MSRA: variants seen among roughly 807,000 people sequenced by gnomAD.
MSRA encodes mitochondrial peptide methionine sulfoxide reductase.
A neutral mutation model predicts 31.3 loss-of-function variants in MSRA; 54 were observed. The ratio of observed to expected loss-of-function variants is 1.73; its 90% CI spans 1.39 to 2.17. MSRA has a LOEUF of 2.17. MSRA is among the 30% of genes most tolerant of loss of function. The pLI, the probability that MSRA is intolerant of heterozygous loss-of-function variation, is 0.00. For synonymous variants in MSRA, 169 were observed against 116.5 expected, an observed-to-expected ratio of 1.45 and a Z score of -2.90; for missense variants, 507 against 300.9, an observed-to-expected ratio of 1.69 and a Z score of -5.07.
intron 5 of MSRA, chr8:10,326,466 T>C (rs1325256174): frequency 3.9e-5 from 6 of 152,148 alleles, no homozygotes; most frequent in African/African-American, 1.4e-4. Context: ...TCTAATCAGA[T>C]TAAAAGAGGC....
intron 2 of MSRA, among the ~76,000 whole-genome samples, chr8:10,215,229 T>TTA (rs902041213): frequency 2.0e-5 from 3 of 152,176 alleles, no homozygotes; most frequent in African/African-American, 7.2e-5. Context: ...CACAAAAAGG[T>TTA]TATGGAGGAG....
intron 5 of MSRA, among the ~76,000 whole-genome samples, chr8:10,391,482 C>CAGAG (rs746703983): frequency 5.3e-5 from 8 of 152,208 alleles, no homozygotes; most frequent in Non-Finnish European, 1.2e-4. Flanking sequence ...GAACCAAAAT[C>CAGAG]ATAATTTCAG....
chr8:10,382,040 C>T (rs550181042), intron 5 of MSRA, among the ~76,000 whole-genome samples: 1 of 152,362 alleles, frequency 6.6e-6, no homozygotes, highest in South Asian at 2.1e-4. Context: ...GTACAAGGTT[C>T]TCCTGCCCAG....
chr8:10,105,674 A>T (rs1460654095), intron 1 of MSRA, among the ~76,000 whole-genome samples: 4 of 152,150 alleles, frequency 2.6e-5, no homozygotes, highest in Non-Finnish European at 5.9e-5. Context: ...TGCAATAAGC[A>T]CTTTCTCCTT....
intron 1 of MSRA, among the ~76,000 whole-genome samples, chr8:10,124,478 C>T (rs926182409): frequency 6.6e-6 from 1 of 152,210 alleles, no homozygotes; most frequent in African/African-American, 2.4e-5. Flanking sequence ...CATCTGTCTG[C>T]TATCCGTGTG....
intron 2 of MSRA, among the ~76,000 whole-genome samples, chr8:10,218,114 C>CTGTT (rs1179212688): frequency 4.3e-5 from 6 of 138,756 alleles, no homozygotes; most frequent in Non-Finnish European, 6.2e-5. Context: ...GGTTCCTTTT[C>CTGTT]TATTTATTTA....
At chr8:10,331,652 A>T (rs1802708949) in intron 5 of MSRA, among the ~76,000 whole-genome samples, 2 of 152,180 alleles carry the variant, frequency 1.3e-5, no homozygotes, top group Admixed American at 1.3e-4. Flanking sequence ...TTTTACGAAT[A>T]CAGTCATCCT....
At chr8:10,081,755 C>A (rs1438419289) in intron 1 of MSRA, among the ~76,000 whole-genome samples, 9 of 152,124 alleles carry the variant, frequency 5.9e-5, no homozygotes, top group African/African-American at 2.2e-4. Flanking sequence ...CTCCCAAAGT[C>A]CCGGGAGATG....
chr8:10,401,983 G>A lies in MSRA; in HGVS notation c.544-26165G>A, dbSNP rs116140621. ...TTGAAAATGGATAGTGGTGATGGTT[G>A]CACAGCACTGTAAATGTACTTAATG... On this transcript the variant is annotated intron_variant, in intron 5 of 5. Coordinates refer to ENST00000317173, the MANE Select transcript of MSRA (RefSeq NM_012331.5). 2.5e-3 allele frequency among the ~76,000 whole-genome samples: 383 copies of A among 152,264 alleles called. 3 individuals are homozygous for A. The highest frequency in any genetic ancestry group is 8.1e-3 in the African/African-American group (338 of 41,540).
rs570203275 is a variant in MSRA at position 10,427,664 on chromosome 8, C to G, written c.544-484C>G. ...GAGCTGGTGGGCAGATGCGATAGTG[C>G]CAGGTAGAGCTGCAGCCATTCTGTC... On this transcript the variant is annotated intron_variant, in intron 5 of 5. Transcript: ENST00000317173. 1.9e-4 allele frequency among the ~76,000 whole-genome samples: 29 copies of G among 152,284 alleles called. No homozygotes were observed. The East Asian group carries it at 5.0e-3, about 26-fold the overall frequency.
At chr8:10,367,715 A>G (rs924425701) in intron 5 of MSRA, among the ~76,000 whole-genome samples, 10 of 152,304 alleles carry the variant, frequency 6.6e-5, no homozygotes, top group African/African-American at 2.4e-4. Context: ...CGGGCATCCC[A>G]TTGCTCTGTC....
chr8:10,181,162 A>C (rs1255981849), intron 1 of MSRA, among the ~76,000 whole-genome samples: 1 of 152,210 alleles, frequency 6.6e-6, no homozygotes, highest in Non-Finnish European at 1.5e-5. Context: ...CTGTAAGCAG[A>C]TATATTATAA....
chr8:10,398,109 C>G (rs1807215475), intron 5 of MSRA, among the ~76,000 whole-genome samples: 1 of 152,224 alleles, frequency 6.6e-6, no homozygotes, highest in Admixed American at 6.5e-5. Flanking sequence ...ACCCCACTAT[C>G]CAGTTGACTA....
chr8:10,121,028 A>G (rs890264266), intron 1 of MSRA, among the ~76,000 whole-genome samples: 5 of 152,366 alleles, frequency 3.3e-5, no homozygotes, highest in African/African-American at 9.6e-5. Flanking sequence ...AATTAAGTCA[A>G]ACATTTCAGA....
At position 10,319,934 on chromosome 8, in the gene MSRA, C is replaced by T. The variant is rs149552738; in HGVS notation, c.488C>T (p.Pro163Leu). Residue 163 changes from proline (P) to leucine (L), a missense_variant, in exon 5 of 6, where the codon CCG becomes CTG. Transcript: ENST00000317173. ...HGTQYRSAIY[P>L]TSAKQMEAAL... ...ACTCAGTACCGCTCGGCCATCTACC[C>T]GACCTCTGCCAAGCAAATGGAGGCA... 99 of 1,601,288 alleles carry T rather than the reference C, an allele frequency of 6.2e-5. No homozygotes were observed. Among genetic ancestry groups the T allele is most frequent in the Non-Finnish European group, 8.0e-5 (94 of 1,174,344 alleles).
intron 1 of MSRA, among the ~76,000 whole-genome samples, chr8:10,104,620 G>C (rs941694618): frequency 2.6e-5 from 4 of 152,192 alleles, no homozygotes; most frequent in African/African-American, 9.7e-5. Context: ...GTTTTATCAT[G>C]CAGTTGAAGC....
chr8:10,344,563 A>C (rs1027651594), intron 5 of MSRA, among the ~76,000 whole-genome samples: 6 of 109,062 alleles, frequency 5.5e-5, no homozygotes, highest in African/African-American at 1.9e-4. Context: ...TGACAGAGGG[A>C]GACTCCGTCT....
At chr8:10,223,054 C>T (rs1324620110) in intron 2 of MSRA, among the ~76,000 whole-genome samples, 2 of 152,166 alleles carry the variant, frequency 1.3e-5, no homozygotes, top group African/African-American at 2.4e-5. Flanking sequence ...TATATCAATA[C>T]ATCACGTTTT....
At chr8:10,411,276 C>G (rs1474397464) in intron 5 of MSRA, 1 of 152,132 alleles carries the variant, frequency 6.6e-6, no homozygotes, top group Admixed American at 6.5e-5. Flanking sequence ...GGAAAACAGC[C>G]TTTTGTGGGC....
Sources: gnomAD v4.1 joint callset for allele counts (sites outside exome capture counted in the v4.1 genomes callset) on GRCh38, gnomAD v4.1.1 for gene constraint, MANE v1.5 for transcripts, NCBI Gene and HGNC (gene_info 2026-07-23, HGNC 2026-07-21) for gene names.